Variants in RNLS observed in about 807,000 individuals in gnomAD.
RNLS encodes renalase.
In RNLS, 39 loss-of-function variants were observed where a neutral mutation model predicts 39.8. The ratio of observed to expected loss-of-function variants is 0.98; its 90% CI spans 0.76 to 1.28. The LOEUF is 1.28. Ranked by LOEUF, RNLS falls within the 50% of genes most tolerant of loss-of-function variation. The probability of loss-of-function intolerance (pLI) is 0.00; values close to 1 mark genes in which losing one functional copy is unlikely to be tolerated. For synonymous variants in RNLS, 147 were observed against 150.7 expected, an observed-to-expected ratio of 0.98 and a Z score of 0.18; for missense variants, 410 against 413.3, an observed-to-expected ratio of 0.99 and a Z score of 0.07.
At chr10:88,481,094 G>A (rs1294330143) in intron 4 of RNLS, among the ~76,000 whole-genome samples, 1 of 151,996 alleles carries the variant, frequency 6.6e-6, no homozygotes, top group African/African-American at 2.4e-5. Flanking sequence ...CATATTTCTT[G>A]TCTTAAAGTC....
chr10:88,506,352 G>T (rs1485391408), intron 4 of RNLS, among the ~76,000 whole-genome samples: 2 of 151,916 alleles, frequency 1.3e-5, no homozygotes, highest in Non-Finnish European at 2.9e-5. Flanking sequence ...CTGAAATACG[G>T]ACTTTATATT....
At chr10:88,172,173 C>A in the RNLS span, among the ~76,000 whole-genome samples, 2 of 152,116 alleles carry the variant, frequency 1.3e-5, no homozygotes, top group African/African-American at 4.8e-5. Context: ...GATTTCCTTT[C>A]TTTTGGATAA....
At chr10:88,555,261 C>T (rs961516246) in intron 4 of RNLS, among the ~76,000 whole-genome samples, 1 of 151,826 alleles carries the variant, frequency 6.6e-6, no homozygotes, top group Non-Finnish European at 1.5e-5. Flanking sequence ...GCTTTCATTC[C>T]CAGCATACCA....
At chr10:88,250,361 C>T in the RNLS span, among the ~76,000 whole-genome samples, 1 of 152,212 alleles carries the variant, frequency 6.6e-6, no homozygotes, top group Non-Finnish European at 1.5e-5. Flanking sequence ...CTTTGGAAGT[C>T]TCCATGTGGC....
chr10:88,509,010 G>A (rs892424577), intron 4 of RNLS, among the ~76,000 whole-genome samples: 1 of 151,936 alleles, frequency 6.6e-6, no homozygotes, highest in African/African-American at 2.4e-5. Context: ...ACTTTTGGTG[G>A]GGGTGGGGGG....
intron 4 of RNLS, among the ~76,000 whole-genome samples, chr10:88,463,929 C>A (rs1310222726): frequency 6.6e-6 from 1 of 151,932 alleles, no homozygotes; most frequent in Non-Finnish European, 1.5e-5. Context: ...AAGAGAATTT[C>A]TCTTTAACTT....
At chr10:88,566,533 C>T (rs1849511436) in intron 4 of RNLS, among the ~76,000 whole-genome samples, 1 of 151,900 alleles carries the variant, frequency 6.6e-6, no homozygotes. Context: ...AAAAATTTTG[C>T]CAGGAAGCAA....
intron 4 of RNLS, among the ~76,000 whole-genome samples, chr10:88,544,497 T>C (rs1291969003): frequency 2.6e-5 from 4 of 152,218 alleles, no homozygotes; most frequent in Admixed American, 6.5e-5. Context: ...AAAAGTCTGG[T>C]GAAATTTGGG....
At position 88,436,399 on chromosome 10, in the gene RNLS, C is replaced by A. The variant is rs562516392; in HGVS notation, c.527-73674G>T. 3.3e-5 allele frequency among the ~76,000 whole-genome samples: 5 copies of A among 152,266 alleles called. No homozygotes were observed. The South Asian group carries it at 6.2e-4, about 19-fold the overall frequency. ...AATCAGGTATAACCTCGGGCCAGGG[C>A]AGTTCTGAATCAAAACCAAATTCTA... On this transcript the variant is annotated intron_variant, in intron 4 of 6. Coordinates refer to ENST00000331772, the MANE Select transcript of RNLS (RefSeq NM_001031709.3).
chr10:88,379,549 T>C (rs1435477848), intron 4 of RNLS, among the ~76,000 whole-genome samples: 1 of 152,188 alleles, frequency 6.6e-6, no homozygotes, highest in Non-Finnish European at 1.5e-5. Context: ...GTATTTAATA[T>C]GCCTTTTCCT....
chr10:88,434,155 A>T (rs188636025), intron 4 of RNLS, among the ~76,000 whole-genome samples: 2 of 152,246 alleles, frequency 1.3e-5, no homozygotes, highest in Admixed American at 6.5e-5. Flanking sequence ...TCGAGGCCAT[A>T]TTGGAAATCT....
the RNLS span, among the ~76,000 whole-genome samples, chr10:88,234,008 A>G: frequency 6.7e-6 from 1 of 149,378 alleles, no homozygotes; most frequent in Non-Finnish European, 1.5e-5. Context: ...AATAAAGAGC[A>G]GCCAACAGTG....
the RNLS span, among the ~76,000 whole-genome samples, chr10:88,233,156 G>A: frequency 2.6e-5 from 4 of 152,304 alleles, no homozygotes; most frequent in East Asian, 1.9e-4. Flanking sequence ...TTGGCAGGCC[G>A]GACTGGACTG....
chr10:88,490,182 T>C (rs1264835710), intron 4 of RNLS, among the ~76,000 whole-genome samples: 1 of 152,322 alleles, frequency 6.6e-6, no homozygotes. Context: ...AGCAAAACAT[T>C]ACCTTTTAGA....
At chr10:88,401,110 G>A (rs1346619864) in intron 4 of RNLS, among the ~76,000 whole-genome samples, 2 of 151,588 alleles carry the variant, frequency 1.3e-5, no homozygotes, top group Admixed American at 1.3e-4. Flanking sequence ...TAACCTTATG[G>A]TTGCCATTGA....
At chr10:88,185,286 A>T in the RNLS span, among the ~76,000 whole-genome samples, 1 of 152,192 alleles carries the variant, frequency 6.6e-6, no homozygotes, top group Non-Finnish European at 1.5e-5. Flanking sequence ...CTCATTGGCC[A>T]TTAAGATCTG....
chr10:88,488,701 A>G (rs897467023), intron 4 of RNLS, among the ~76,000 whole-genome samples: 1 of 152,182 alleles, frequency 6.6e-6, no homozygotes, highest in African/African-American at 2.4e-5. Flanking sequence ...GTTGACGGCT[A>G]ATAGAGCAAA....
chr10:88,199,966 A>G, the RNLS span, among the ~76,000 whole-genome samples: 2 of 152,266 alleles, frequency 1.3e-5, no homozygotes, highest in South Asian at 2.1e-4. Flanking sequence ...CTGTTTCTGC[A>G]AAAAATACAA....
At chr10:88,306,807 C>T (rs1322082064) in intron 6 of RNLS, among the ~76,000 whole-genome samples, 1 of 151,984 alleles carries the variant, frequency 6.6e-6, no homozygotes, top group African/African-American at 2.4e-5. Flanking sequence ...GAGAAGGGAC[C>T]CCTCCCTAAC....
Sources: allele counts gnomAD v4.1 joint callset (sites outside exome capture counted in the v4.1 genomes callset), GRCh38; gene constraint gnomAD v4.1.1; transcripts MANE v1.5; gene names NCBI Gene and HGNC (gene_info 2026-07-23, HGNC 2026-07-21).